The following DPP10 variants were observed in gnomAD, a reference collection of about 807,000 sequenced individuals.
DPP10 encodes inactive dipeptidyl peptidase 10.
DPP10 carries 33 observed loss-of-function variants against 120.9 expected under a neutral mutation model. That is an observed-to-expected ratio of 0.27 (90% CI 0.21 to 0.37). The LOEUF is 0.37. Among genes scored for constraint, DPP10 ranks in the 10% least tolerant of loss-of-function variants. The probability of loss-of-function intolerance (pLI) is 1.00; values close to 1 mark genes in which losing one functional copy is unlikely to be tolerated. For missense variants in DPP10, 816 were observed against 942.8 expected (o/e 0.87, Z 1.76); for synonymous variants, 337 against 326.1 (o/e 1.03, Z -0.36).
At chr2:115,830,421 T>C (rs1688802775) in intron 21 of DPP10, among the ~76,000 whole-genome samples, 1 of 150,328 alleles carries the variant, frequency 6.7e-6, no homozygotes, top group Non-Finnish European at 1.5e-5. Flanking sequence ...CTTATAAACA[T>C]TTTTTTTTAG....
chr2:115,542,240 C>T (rs868583313), intron 5 of DPP10, among the ~76,000 whole-genome samples: 1 of 151,958 alleles, frequency 6.6e-6, no homozygotes, highest in Non-Finnish European at 1.5e-5. Flanking sequence ...ATACTCACAT[C>T]TCTGGCTACT....
chr2:115,632,277 C>G (rs1575394438), intron 5 of DPP10, among the ~76,000 whole-genome samples: 1 of 152,226 alleles, frequency 6.6e-6, no homozygotes, highest in East Asian at 1.9e-4. Flanking sequence ...AAATTTTCCC[C>G]CATCCCTTTC....
At chr2:115,270,888 GT>G (rs61252278) in intron 1 of DPP10, among the ~76,000 whole-genome samples, 71 of 112,018 alleles carry the variant, frequency 6.3e-4, no homozygotes, top group African/African-American at 1.8e-3. Flanking sequence ...TCTTTATATT[GT>G]TTTTTTTTAA....
At chr2:114,449,021 G>C (rs972647477) in intron 1 of DPP10, among the ~76,000 whole-genome samples, 2 of 152,170 alleles carry the variant, frequency 1.3e-5, no homozygotes, top group African/African-American at 4.8e-5. Flanking sequence ...GAAGTATACT[G>C]ACATTTTGGC....
At chr2:115,497,478 T>C (rs2076459558) in intron 3 of DPP10, among the ~76,000 whole-genome samples, 1 of 152,064 alleles carries the variant, frequency 6.6e-6, no homozygotes, top group African/African-American at 2.4e-5. Flanking sequence ...AAGCTACTTG[T>C]CGAGTGTTTT....
At chr2:114,572,911 A>G (rs559938791) in intron 1 of DPP10, among the ~76,000 whole-genome samples, 2 of 152,362 alleles carry the variant, frequency 1.3e-5, no homozygotes, top group African/African-American at 2.4e-5. Flanking sequence ...AAAGTCGTGT[A>G]GAAAACACAG....
chr2:115,036,311 AT>A (rs1362858833), intron 1 of DPP10, among the ~76,000 whole-genome samples: 1 of 152,172 alleles, frequency 6.6e-6, no homozygotes, highest in Non-Finnish European at 1.5e-5. Context: ...TGTGGGGATT[AT>A]GGGGATTACA....
chr2:115,151,100 C>T (rs192732587), intron 1 of DPP10, among the ~76,000 whole-genome samples: 259 of 152,052 alleles, frequency 1.7e-3, no homozygotes, highest in African/African-American at 6.0e-3. Context: ...TTTCTATGAC[C>T]GTTATAATTG....
chr2:114,548,777 G>A (rs988677271), intron 1 of DPP10, among the ~76,000 whole-genome samples: 3 of 152,170 alleles, frequency 2.0e-5, no homozygotes, highest in East Asian at 1.9e-4. Context: ...TTCTCTCCAC[G>A]CCTGAGTGTT....
At chr2:115,380,833 A>C (rs2066273171) in intron 3 of DPP10, among the ~76,000 whole-genome samples, 1 of 152,144 alleles carries the variant, frequency 6.6e-6, no homozygotes, top group Non-Finnish European at 1.5e-5. Context: ...GCTTGATATG[A>C]AATTCTGGGT....
At chr2:114,663,642 T>TAG (rs1280739522) in intron 1 of DPP10, among the ~76,000 whole-genome samples, 9 of 74,494 alleles carry the variant, frequency 1.2e-4, no homozygotes, top group African/African-American at 4.8e-4. Flanking sequence ...CATGTACAGA[T>TAG]ATATATATAT....
intron 1 of DPP10, among the ~76,000 whole-genome samples, chr2:114,473,064 G>GGTGA (rs1680061469): frequency 5.3e-5 from 8 of 152,240 alleles, no homozygotes; most frequent in African/African-American, 1.9e-4. Flanking sequence ...AATCTGGGTG[G>GGTGA]TGTGTGCCCC....
At chr2:115,744,385 G>A (rs1271618936) in intron 9 of DPP10, among the ~76,000 whole-genome samples, 1 of 150,306 alleles carries the variant, frequency 6.7e-6, no homozygotes, top group African/African-American at 2.4e-5. Context: ...AAACAAGAAT[G>A]ATGTGAAAGA....
chr2:115,539,374 T>C (rs2079050970), intron 5 of DPP10, among the ~76,000 whole-genome samples: 2 of 151,944 alleles, frequency 1.3e-5, no homozygotes. Context: ...CTCCACATAA[T>C]GAAGCCCTCT....
intron 1 of DPP10, among the ~76,000 whole-genome samples, chr2:114,476,352 A>G (rs1216908819): frequency 6.6e-6 from 1 of 152,186 alleles, no homozygotes; most frequent in African/African-American, 2.4e-5. Flanking sequence ...ATCTTCAAGT[A>G]CAAAGTAGGC....
intron 1 of DPP10, among the ~76,000 whole-genome samples, chr2:114,644,865 T>A (rs1435418234): frequency 6.6e-6 from 1 of 151,760 alleles, no homozygotes; most frequent in Admixed American, 6.5e-5. Flanking sequence ...TCTGATCGAG[T>A]GGGTAAAAAA....
intron 1 of DPP10, among the ~76,000 whole-genome samples, chr2:115,147,347 A>G (rs1458987223): frequency 1.3e-5 from 2 of 152,010 alleles, no homozygotes; most frequent in African/African-American, 4.8e-5. Flanking sequence ...GTGGCTTTTG[A>G]TCCAAGACAA....
intron 8 of DPP10, among the ~76,000 whole-genome samples, chr2:115,738,905 G>T (rs1357646036): frequency 1.4e-4 from 21 of 152,126 alleles, no homozygotes; most frequent in Non-Finnish European, 3.1e-4. Flanking sequence ...TTTACAAGGA[G>T]AACATTTGCT....
intron 1 of DPP10, among the ~76,000 whole-genome samples, chr2:115,019,782 A>G (rs985300176): frequency 6.6e-6 from 1 of 152,238 alleles, no homozygotes; most frequent in Non-Finnish European, 1.5e-5. Flanking sequence ...CAGGTAACCT[A>G]TAAAGGAAAA....
Sources: gnomAD v4.1 joint callset for allele counts (sites outside exome capture counted in the v4.1 genomes callset) on GRCh38, gnomAD v4.1.1 for gene constraint, MANE v1.5 for transcripts, NCBI Gene and HGNC (gene_info 2026-07-23, HGNC 2026-07-21) for gene names.